The following NDUFB3 variants were observed in gnomAD, a reference collection of about 807,000 sequenced individuals.
The protein encoded by NDUFB3 is NADH dehydrogenase [ubiquinone] 1 beta subcomplex subunit 3.
NDUFB3 carries 7 observed loss-of-function variants against 9.0 expected under a neutral mutation model. The observed-to-expected ratio is 0.78, with a 90% CI of 0.44 to 1.46. The LOEUF (loss-of-function observed/expected upper bound fraction) is 1.46. Ranked by LOEUF, NDUFB3 falls within the 40% of genes most tolerant of loss-of-function variation. NDUFB3 has a pLI of 0.01. For missense variants in NDUFB3, 93 were observed against 115.4 expected (o/e 0.81, Z 0.89); for synonymous variants, 29 against 38.5 (o/e 0.75, Z 0.91).
Position 201,085,547 on chromosome 2 carries a change from G to A in NDUFB3, c.229G>A (p.Ala77Thr), listed in dbSNP as rs1215355546. Residue 77 changes from alanine to threonine, a missense_variant, in exon 3 of 3, where the codon GCA becomes ACA. Coordinates refer to ENST00000237889, the MANE Select transcript of NDUFB3 (RefSeq NM_002491.3). ...TAAAGGATTCAAATGGGGATTTGCT[G>A]CATTTGTGGTAGCTGTAGGAGCTGA... The part of the protein sequence containing the change: ...FFKGFKWGFA[A>T]FVVAVGAEYY... The A allele has an allele frequency of 1.2e-6, 2 of 1,612,374 alleles. No individual in the cohort carries two copies. Among genetic ancestry groups the A allele is most frequent in the Admixed American group, 3.3e-5 (2 of 59,928 alleles).
intron 2 of NDUFB3, among the ~76,000 whole-genome samples, chr2:201,083,606 C>T (rs554356363): frequency 3.1e-3 from 471 of 152,172 alleles, no homozygotes; most frequent in Middle Eastern, 6.8e-3. Flanking sequence ...CTCGACCTCC[C>T]AAAGTGCTGG....
chr2:201,081,509 G>A (rs2047222056), intron 2 of NDUFB3, among the ~76,000 whole-genome samples: 2 of 151,838 alleles, frequency 1.3e-5, no homozygotes, highest in African/African-American at 4.8e-5. Flanking sequence ...TTAGGGATAA[G>A]TGATGTCTTA....
chr2:201,075,424 G>A (rs2125531703), intron 1 of NDUFB3, among the ~76,000 whole-genome samples: 1 of 151,918 alleles, frequency 6.6e-6, no homozygotes, highest in African/African-American at 2.4e-5. Flanking sequence ...AAATTAGCCA[G>A]GCGTGGTGGG....
At chr2:201,081,322 A>AAAATAC (rs1356679085) in intron 2 of NDUFB3, among the ~76,000 whole-genome samples, 1 of 151,798 alleles carries the variant, frequency 6.6e-6, no homozygotes, top group Non-Finnish European at 1.5e-5. Context: ...GTCTCTACTA[A>AAAATAC]AAATACAAAA....
At chr2:201,082,108 G>A (rs536755929) in intron 2 of NDUFB3, among the ~76,000 whole-genome samples, 3 of 151,852 alleles carry the variant, frequency 2.0e-5, no homozygotes, top group South Asian at 4.2e-4. Flanking sequence ...GAGCCACCGC[G>A]CCAGGCCTAA....
At chr2:201,076,858 T>C (rs1231054486) in intron 1 of NDUFB3, among the ~76,000 whole-genome samples, 1 of 152,112 alleles carries the variant, frequency 6.6e-6, no homozygotes, top group Non-Finnish European at 1.5e-5. Context: ...CCCAGCACTT[T>C]GGGAGGCGGA....
At chr2:201,079,674 G>A (rs193199382) in intron 2 of NDUFB3, among the ~76,000 whole-genome samples, 18 of 152,112 alleles carry the variant, frequency 1.2e-4, no homozygotes, top group African/African-American at 4.3e-4. Context: ...AATTCCTGAG[G>A]TGAAGTGATC....
intron 2 of NDUFB3, among the ~76,000 whole-genome samples, chr2:201,083,738 A>G (rs894395992): frequency 3.9e-5 from 6 of 152,230 alleles, no homozygotes; most frequent in African/African-American, 1.4e-4. Context: ...TTCTGTTAAT[A>G]TGGCGAGTTA....
chr2:201,084,277 G>A (rs569005301), intron 2 of NDUFB3, among the ~76,000 whole-genome samples: 2 of 150,428 alleles, frequency 1.3e-5, no homozygotes, highest in East Asian at 1.9e-4. Flanking sequence ...GCGACAGTGC[G>A]AGACTCCATC....
chr2:201,078,860 G>T (rs1180526752), intron 1 of NDUFB3, 21 bp from the exon 2 acceptor site: 1 of 1,596,090 alleles, frequency 6.3e-7, no homozygotes, highest in Non-Finnish European at 8.5e-7. Context: ...TTTCTCACTT[G>T]TGTTAATCTT....
chr2:201,082,145 G>T (rs2047232402), intron 2 of NDUFB3, among the ~76,000 whole-genome samples: 1 of 151,828 alleles, frequency 6.6e-6, no homozygotes, highest in Non-Finnish European at 1.5e-5. Context: ...GTAGAGATGG[G>T]GTTTCACCAT....
At chr2:201,083,101 T>C (rs1170562916) in intron 2 of NDUFB3, among the ~76,000 whole-genome samples, 2 of 152,228 alleles carry the variant, frequency 1.3e-5, no homozygotes, top group African/African-American at 4.8e-5. Context: ...ACAAATACAT[T>C]GTTACTTCTT....
chr2:201,079,092 T>A, intron 2 of NDUFB3, 70 bp downstream of exon 2: 1 of 1,477,834 alleles, frequency 6.8e-7, no homozygotes, highest in African/African-American at 1.4e-5. Context: ...CTTTTCAATG[T>A]ATTCTCCTTA....
intron 2 of NDUFB3, chr2:201,079,784 T>C (rs1030075215): frequency 6.6e-6 from 1 of 152,216 alleles, no homozygotes; most frequent in Non-Finnish European, 1.5e-5. Context: ...CTATCGTTTA[T>C]ATATAGTAAA....
intron 1 of NDUFB3, among the ~76,000 whole-genome samples, chr2:201,076,994 G>C (rs2047171472): frequency 6.6e-6 from 1 of 151,976 alleles, no homozygotes; most frequent in South Asian, 2.1e-4. Context: ...CAGCCACTCA[G>C]GAGGCTGAGG....
At chr2:201,072,511 G>A (rs2047093262) in intron 1 of NDUFB3, 1 of 152,160 alleles carries the variant, frequency 6.6e-6, no homozygotes, top group African/African-American at 2.4e-5. Flanking sequence ...CTTTCTTAGG[G>A]AAAGGATACC....
At chr2:201,075,336 T>G (rs1247459954) in intron 1 of NDUFB3, among the ~76,000 whole-genome samples, 1 of 151,906 alleles carries the variant, frequency 6.6e-6, no homozygotes, top group African/African-American at 2.4e-5. Flanking sequence ...GAGACCCAGG[T>G]GGGCGGATCA....
intron 1 of NDUFB3, among the ~76,000 whole-genome samples, chr2:201,074,549 T>C (rs571815551): frequency 2.7e-5 from 4 of 147,012 alleles, no homozygotes; most frequent in African/African-American, 1.0e-4. Flanking sequence ...CTCCACCTCC[T>C]GGGTTCAAGT....
At chr2:201,079,387 C>T (rs1003308015) in intron 2 of NDUFB3, among the ~76,000 whole-genome samples, 1 of 152,078 alleles carries the variant, frequency 6.6e-6, no homozygotes, top group African/African-American at 2.4e-5. Context: ...TCGTGATCCA[C>T]CTGCCTCAGC....
Sources: allele counts gnomAD v4.1 joint callset (sites outside exome capture counted in the v4.1 genomes callset), GRCh38; gene constraint gnomAD v4.1.1; transcripts MANE v1.5; gene names NCBI Gene and HGNC (gene_info 2026-07-23, HGNC 2026-07-21).